The following DNAH17 variants were observed in gnomAD, a reference collection of about 807,000 sequenced individuals.
DNAH17 encodes the protein axonemal beta dynein heavy chain 17.
Under a neutral mutation model 485.6 loss-of-function variants are expected in DNAH17, and 376 were observed. That is an observed-to-expected ratio of 0.77 (90% CI 0.71 to 0.84). DNAH17 has a LOEUF of 0.84. Among genes scored for constraint, DNAH17 ranks in the 40% least tolerant of loss-of-function variants. The probability of loss-of-function intolerance (pLI) is 0.00; values close to 1 mark genes in which losing one functional copy is unlikely to be tolerated. For synonymous variants in DNAH17, 3,031 were observed against 2,405.9 expected (o/e 1.26, Z -7.60); for missense variants, 6,370 against 5,839.3 (o/e 1.09, Z -2.96).
intron 54 of DNAH17, among the ~76,000 whole-genome samples, chr17:78,473,242 G>A (rs981367639): frequency 2.0e-5 from 3 of 152,106 alleles, no homozygotes; most frequent in Admixed American, 6.6e-5. Context: ...CCACAGAAGC[G>A]GCTTAAGAAA....
chr17:78,423,948 C>G lies in DNAH17; in HGVS notation c.13347G>C (p.Ala4449=), dbSNP rs372004613. 2.5e-6 allele frequency: 4 copies of G among 1,613,980 alleles called. No homozygotes were observed. The highest frequency in any genetic ancestry group is 1.6e-4 in the Middle Eastern group (1 of 6,062). The part of the protein sequence containing the change: ...TFNLKTKEKA[A]KWILAAVALL... ...GCGCCACGGCTGCCAGGATCCACTT[C>G]GCTGCCTTCTCTTTGGTCTTCAAGT... is the stretch of plus-strand genomic sequence containing the variant. Residue 4449 remains alanine, a synonymous_variant, in exon 81 of 81, where the codon GCG becomes GCC. Coordinates refer to ENST00000389840, the MANE Select transcript of DNAH17 (RefSeq NM_173628.4).
chr17:78,506,599 G>A, intron 30 of DNAH17, 121 bp downstream of exon 30: 2 of 1,438,902 alleles, frequency 1.4e-6, no homozygotes, highest in Non-Finnish European at 1.9e-6. Flanking sequence ...AGGGCCTCCT[G>A]GAGATGATGG....
intron 38 of DNAH17, 137 bp from the exon 39 acceptor site, chr17:78,495,234 G>T (rs560441176): frequency 8.5e-7 from 1 of 1,178,292 alleles, no homozygotes; most frequent in Admixed American, 2.9e-5. Flanking sequence ...TTCGGTCCTG[G>T]AGCCGGGCTC....
At chr17:78,466,327 G>A (rs1196846338) in intron 56 of DNAH17, among the ~76,000 whole-genome samples, 1 of 152,088 alleles carries the variant, frequency 6.6e-6, no homozygotes, top group East Asian at 1.9e-4. Flanking sequence ...CCTCTGCCTA[G>A]GAAAACCAGA....
At chr17:78,452,304 G>A (rs1241977023) in intron 65 of DNAH17, among the ~76,000 whole-genome samples, 2 of 152,148 alleles carry the variant, frequency 1.3e-5, no homozygotes, top group South Asian at 2.1e-4. Context: ...TTTTAAAATT[G>A]TAAAATGAAT....
chr17:78,494,480 G>T, intron 40 of DNAH17, 113 bp downstream of exon 40: 1 of 1,234,446 alleles, frequency 8.1e-7, no homozygotes, highest in Non-Finnish European at 1.1e-6. Flanking sequence ...TCTCTTTGTA[G>T]CATCGGGAAA....
chr17:78,551,751 CG>C, intron 15 of DNAH17, 113 bp from the exon 16 acceptor site: 3 of 977,756 alleles, frequency 3.1e-6, no homozygotes, highest in Non-Finnish European at 4.7e-6. Context: ...ATCACGAGGT[CG>C]GGAGTTCGAG....
At chr17:78,440,955 G>A in intron 72 of DNAH17, 96 bp downstream of exon 72, 1 of 1,435,444 alleles carries the variant, frequency 7.0e-7, no homozygotes, top group Non-Finnish European at 9.5e-7. Flanking sequence ...TGGGTGTGAA[G>A]TGGTGTCTCA....
intron 80 of DNAH17, chr17:78,424,496 C>G: frequency 1.4e-5 from 4 of 289,198 alleles, no homozygotes; most frequent in Non-Finnish European, 2.6e-5. Flanking sequence ...TTCCCTGATT[C>G]TTAATGTGTA....
At position 78,485,007 on chromosome 17, in the gene DNAH17, T is replaced by TCTTCTCCAGCGG. The variant is rs2089534244; in HGVS notation, c.7498_7509dup (p.Pro2500_Lys2503dup). ...GGCGGCCCGTAGTTCCTCCCCGATT[T>TCTTCTCCAGCGG]CTTCTCCAGCGGCTTCTCCAGCACC... On this transcript the variant is annotated inframe_insertion, in exon 48 of 81. Coordinates refer to ENST00000389840, the MANE Select transcript of DNAH17 (RefSeq NM_173628.4). 1.2e-6 allele frequency: 2 copies of TCTTCTCCAGCGG among 1,612,676 alleles called. No individual in the cohort carries two copies. Among genetic ancestry groups the TCTTCTCCAGCGG allele is most frequent in the East Asian group, 4.5e-5 (2 of 44,842 alleles).
At chr17:78,534,049 C>G (rs1361994345) in intron 19 of DNAH17, among the ~76,000 whole-genome samples, 1 of 152,214 alleles carries the variant, frequency 6.6e-6, no homozygotes, top group Admixed American at 6.5e-5. Context: ...GCCGGCCTTT[C>G]CCAGGGCTAG....
rs1342618458 is a variant in DNAH17 at position 78,441,149 on chromosome 17, A to G, written c.11579T>C (p.Val3860Ala). 6.2e-7 allele frequency: 1 copy of G among 1,613,792 alleles called. No homozygotes were observed. Among genetic ancestry groups the G allele is most frequent in the Non-Finnish European group, 8.5e-7 (1 of 1,179,894 alleles). ...CTCCTCGTAGGACTTAGAAAACTCA[A>G]CACTCCGGCCTTCCACGAACTTGCT... Reference protein sequence around the residue: ...MGSKFVEGRSVEFSKSYEESS... With the variant: ...MGSKFVEGRSAEFSKSYEESS... The change falls in exon 72 of 81, where the codon GTT becomes GCT. Residue 3860 changes from valine to alanine, a missense_variant. Coordinates refer to ENST00000389840, the MANE Select transcript of DNAH17 (RefSeq NM_173628.4).
At chr17:78,540,334 TGGTG>T (rs1214427317) in intron 17 of DNAH17, among the ~76,000 whole-genome samples, 2 of 76,142 alleles carry the variant, frequency 2.6e-5, no homozygotes, top group African/African-American at 5.1e-5. Context: ...GAGCAGGGGC[TGGTG>T]GGTGGGTGGG....
chr17:78,569,462 C>T lies in DNAH17; in HGVS notation c.1110G>A (p.Leu370=). 2 of 1,611,820 alleles carry T rather than the reference C, an allele frequency of 1.2e-6. No homozygotes were observed. The highest frequency in any genetic ancestry group is 1.7e-6 in the Non-Finnish European group (2 of 1,178,894). Residue 370 remains leucine (L), a synonymous_variant, in exon 8 of 81, where the codon CTG becomes CTA. Transcript: ENST00000389840. ...KGLQGEIEEV[L]SGISLAVNVL... is the part of the protein sequence containing the mutation. ...CATTTACAGCCAGGGAGATGCCACT[C>T]AGGACTTCCTCGATTTCACCTTGCA...
intron 33 of DNAH17, chr17:78,502,091 A>C (rs1366008180): frequency 5.1e-6 from 3 of 583,088 alleles, no homozygotes; most frequent in Non-Finnish European, 6.0e-6. Context: ...GACGTAGTAG[A>C]AGGAAATTCA....
chr17:78,572,986 C>T lies in DNAH17; in HGVS notation c.346-92G>A, dbSNP rs145550983. 1.1e-4 allele frequency: 136 copies of T among 1,186,474 alleles called. 1 individual carries two copies. In the Middle Eastern group the frequency reaches 1.9e-3, roughly 17 times the overall value. The allele number at this position is 1,186,474 out of a possible 1,614,324, so 73.5% of individuals were successfully genotyped here. A position where few individuals can be genotyped will look rare whatever the true frequency, so the allele number is the denominator to read the frequency against. ...AGGTCCCCGGGGGGTTCCAAAGACC[C>T]GGTGTCTGGAGCCCTGGGAAAACTG... On this transcript the variant is annotated intron_variant, in intron 2 of 80. Transcript: ENST00000389840.
chr17:78,561,942 CA>C lies in DNAH17; in HGVS notation c.1607del (p.Leu536ArgfsTer21). 1.2e-6 allele frequency: 2 copies of C among 1,612,632 alleles called. No individual in the cohort carries two copies. The highest frequency in any genetic ancestry group is 1.7e-6 in the Non-Finnish European group (2 of 1,179,332). On this transcript the variant is annotated frameshift_variant, in exon 12 of 81. Transcript: ENST00000389840. LOFTEE classifies it high-confidence loss of function. ...YMCGGLMERP[L>X]ILAEVAPRYS... is the part of the protein sequence containing the mutation. ...ACCTGGGCGCCACCTCGGCAAGAATCAGGGGCCGCTCCATGAGGCCCCCACA... is the reference window on the plus strand; with the variant it reads ...ACCTGGGCGCCACCTCGGCAAGAATCGGGGCCGCTCCATGAGGCCCCCACA...
At position 78,501,186 on chromosome 17, in the gene DNAH17, G is replaced by T. The variant is rs769035768; in HGVS notation, c.5481C>A (p.Asp1827Glu). The part of the protein sequence containing the change: ...TPRLVITPLT[D>E]RCYITLTQSL... The stretch of plus-strand genomic sequence containing the variant: ...AGTTACTCAGGGACGGGCCTCACCT[G>T]TCAGTGAGTGGGGTGATGACCAGCC... The change falls in exon 35 of 81, where the codon GAC (aspartate) becomes GAA (glutamate). Residue 1827 changes from aspartate (D) to glutamate (E), a missense_variant and splice_region_variant. Physicochemically the swap from Asp to Glu is conservative, Grantham distance 45 (BLOSUM62 2). Coordinates refer to ENST00000389840, the MANE Select transcript of DNAH17 (RefSeq NM_173628.4). 5 of 1,575,868 alleles carry T rather than the reference G, an allele frequency of 3.2e-6. No individual in the cohort carries two copies. Among genetic ancestry groups the T allele is most frequent in the Middle Eastern group, 3.4e-4 (2 of 5,970 alleles).
Position 78,449,575 on chromosome 17 carries a change from C to T in DNAH17, c.11050G>A (p.Val3684Met), listed in dbSNP as rs772970929. Reference protein sequence around the residue: ...VYQFSLKAFNVVFEKAIQRTT... With the variant: ...VYQFSLKAFNMVFEKAIQRTT... The stretch of plus-strand genomic sequence containing the variant: ...CTCTGGATGGCTTTCTCAAACACCA[C>T]GTTGAAGGCCTGGGGATCCGCCACC... The change falls in exon 69 of 81, where the codon GTG (valine) becomes ATG (methionine). Residue 3684 changes from valine to methionine, a missense_variant. Transcript: ENST00000389840. 26 of 1,604,706 alleles carry T rather than the reference C, an allele frequency of 1.6e-5. No homozygotes were observed. Among genetic ancestry groups the T allele is most frequent in the Non-Finnish European group, 2.1e-5 (25 of 1,174,984 alleles).
Sources: allele counts gnomAD v4.1 joint callset (sites outside exome capture counted in the v4.1 genomes callset), GRCh38; gene constraint gnomAD v4.1.1; transcripts MANE v1.5; gene names NCBI Gene and HGNC (gene_info 2026-07-23, HGNC 2026-07-21).